Variants in SETD2 observed in about 807,000 individuals in gnomAD.
SETD2 encodes histone-lysine N-methyltransferase SETD2.
In SETD2, 31 loss-of-function variants were observed where a neutral mutation model predicts 242.1. That is an observed-to-expected ratio of 0.13 (90% CI 0.10 to 0.17). The LOEUF is 0.17. Among genes scored for constraint, SETD2 ranks in the 10% least tolerant of loss-of-function variants. SETD2 has a pLI of 1.00. For missense variants in SETD2, 2,481 were observed against 3,046.3 expected (o/e 0.81, Z 4.37); for synonymous variants, 1,006 against 1,066.5 (o/e 0.94, Z 1.11).
At chr3:47,022,991 A>G (rs1311773871) in intron 18 of SETD2, among the ~76,000 whole-genome samples, 1 of 152,230 alleles carries the variant, frequency 6.6e-6, no homozygotes, top group Non-Finnish European at 1.5e-5. Flanking sequence ...ACTATGTCAC[A>G]AAGCCCATGT....
chr3:47,138,309 G>A (rs574048210), intron 1 of SETD2: 18 of 297,406 alleles, frequency 6.1e-5, no homozygotes, highest in African/African-American at 2.0e-4. Flanking sequence ...TCACTCTGTC[G>A]CCCAGGCTGG....
intron 13 of SETD2, among the ~76,000 whole-genome samples, chr3:47,066,279 C>T (rs1408983317): frequency 2.0e-5 from 3 of 152,140 alleles, no homozygotes; most frequent in Non-Finnish European, 2.9e-5. Context: ...GGAATTTCGA[C>T]GCACAGGGTA....
At chr3:47,154,534 C>A (rs1430424798) in intron 1 of SETD2, among the ~76,000 whole-genome samples, 1 of 151,338 alleles carries the variant, frequency 6.6e-6, no homozygotes, top group African/African-American at 2.4e-5. Context: ...AAATAAAAAC[C>A]AAAAAAAGGA....
rs1384724360 is a variant in SETD2, at chr3:47,123,724, T to C, written c.912A>G (p.Lys304=). The change falls in exon 3 of 21, where the codon AAA becomes AAG. Residue 304 remains lysine, a synonymous_variant. Transcript: ENST00000409792. ...DSSKISLSCK[K]TGSKKKSSQS... is the part of the protein sequence containing the mutation. ...GTGAGGATTTCTTCTTAGAACCTGT[T>C]TTTTTACAGCTCAGACTAATCTTAG... 4.5e-6 allele frequency: 7 copies of C among 1,551,352 alleles called. No homozygotes were observed. The highest frequency in any genetic ancestry group is 6.1e-6 in the Non-Finnish European group (7 of 1,146,854).
intron 5 of SETD2, among the ~76,000 whole-genome samples, chr3:47,108,829 C>T (rs915363029): frequency 2.0e-5 from 3 of 152,172 alleles, no homozygotes; most frequent in African/African-American, 4.8e-5. Context: ...AAAAGTCTAT[C>T]ATGCAGTCCT....
intron 1 of SETD2, among the ~76,000 whole-genome samples, chr3:47,130,352 A>G (rs998872803): frequency 2.0e-5 from 3 of 152,292 alleles, no homozygotes; most frequent in East Asian, 3.9e-4. Context: ...AAGGGTCAAT[A>G]AGGTGGAAGA....
At chr3:47,035,713 A>C (rs1447137120) in intron 18 of SETD2, among the ~76,000 whole-genome samples, 2 of 152,198 alleles carry the variant, frequency 1.3e-5, no homozygotes. Flanking sequence ...GGCCTCCAAC[A>C]TGCTTTATAA....
chr3:47,088,680 T>C (rs963134992), intron 9 of SETD2, among the ~76,000 whole-genome samples: 1 of 152,196 alleles, frequency 6.6e-6, no homozygotes, highest in Non-Finnish European at 1.5e-5. Context: ...TTCAAACTTA[T>C]ATAATTTATA....
At chr3:47,150,432 G>A (rs916139556) in intron 1 of SETD2, among the ~76,000 whole-genome samples, 2 of 152,068 alleles carry the variant, frequency 1.3e-5, no homozygotes, top group Admixed American at 1.3e-4. Flanking sequence ...AGAGATAAAT[G>A]AGATTACTGA....
At chr3:47,030,232 T>C (rs2038702534) in intron 18 of SETD2, among the ~76,000 whole-genome samples, 1 of 151,694 alleles carries the variant, frequency 6.6e-6, no homozygotes, top group Non-Finnish European at 1.5e-5. Context: ...AAAAAAGAAA[T>C]TAAAACTATT....
intron 1 of SETD2, among the ~76,000 whole-genome samples, chr3:47,154,284 C>T (rs748186656): frequency 2.0e-5 from 3 of 152,040 alleles, no homozygotes; most frequent in Non-Finnish European, 4.4e-5. Context: ...TGGTGCGCGC[C>T]TGTAGTCCCA....
At chr3:47,096,824 C>T (rs1158961227) in intron 9 of SETD2, among the ~76,000 whole-genome samples, 1 of 152,070 alleles carries the variant, frequency 6.6e-6, no homozygotes, top group African/African-American at 2.4e-5. Context: ...AGCTAAAGAA[C>T]ACATGACATT....
chr3:47,039,607 T>C (rs2039180639), intron 17 of SETD2, among the ~76,000 whole-genome samples: 1 of 150,570 alleles, frequency 6.6e-6, no homozygotes, highest in Non-Finnish European at 1.5e-5. Context: ...GGCTCACACC[T>C]GTAATCCCAG....
chr3:47,116,562 C>A (rs1248031523), intron 4 of SETD2, 61 bp downstream of exon 4: 1 of 1,508,458 alleles, frequency 6.6e-7, no homozygotes, highest in Non-Finnish European at 9.0e-7. Flanking sequence ...ATTGATAATT[C>A]AATATTTAGA....
rs1168843901 is a variant in SETD2 at position 47,120,520 on chromosome 3, T to G, written c.4116A>C (p.Ile1372=). 5.6e-6 allele frequency: 9 copies of G among 1,613,922 alleles called. No individual in the cohort carries two copies. In the East Asian group the frequency reaches 2.0e-4, roughly 36 times the overall value. ...KDKGSVQAPE[I]SSNSIKDTLA... is the part of the protein sequence containing the mutation. ...AAGTGTCCTTAATGGAATTGCTGCTTATTTCAGGTGCTTGCACTGACCCCT... is the reference window on the plus strand; with the variant it reads ...AAGTGTCCTTAATGGAATTGCTGCTGATTTCAGGTGCTTGCACTGACCCCT... Residue 1372 remains isoleucine (I), a synonymous_variant, in exon 3 of 21, where the codon ATA becomes ATC. Coordinates refer to ENST00000409792, the MANE Select transcript of SETD2 (RefSeq NM_014159.7).
intron 9 of SETD2, among the ~76,000 whole-genome samples, chr3:47,092,248 A>T (rs180783122): frequency 4.1e-4 from 63 of 152,282 alleles, no homozygotes; most frequent in Admixed American, 3.7e-3. Flanking sequence ...TCCAGTGGTG[A>T]TAATACAGCT....
chr3:47,145,480 G>A (rs1255234292), intron 1 of SETD2: 6 of 426,934 alleles, frequency 1.4e-5, no homozygotes, highest in Non-Finnish European at 2.9e-5. Context: ...CTGCAGCCTT[G>A]AACTCCTGGA....
rs2107720180 is a variant in SETD2 at position 47,114,013 on chromosome 3, A to G, written c.4587-9T>C. 1 of 1,593,826 alleles carries G rather than the reference A, an allele frequency of 6.3e-7. No homozygotes were observed. Among genetic ancestry groups the G allele is most frequent in the Non-Finnish European group, 8.5e-7 (1 of 1,174,742 alleles). On this transcript the variant is annotated splice_polypyrimidine_tract_variant and intron_variant, in intron 4 of 20. Coordinates refer to ENST00000409792, the MANE Select transcript of SETD2 (RefSeq NM_014159.7). ...TTGGACACCGAGAAGAACTGAAATG[A>G]GAAAAGGAGGAAATTTAATTCTTTA...
rs1261582187 is a variant in SETD2 at position 47,164,037 on chromosome 3, GCGGCGGC to G, written c.-120_-114del. 1 of 1,225,658 alleles carries G rather than the reference GCGGCGGC, an allele frequency of 8.2e-7. No homozygotes were observed. The highest frequency in any genetic ancestry group is 1.6e-5 in the African/African-American group (1 of 63,064). 75.9% of individuals were successfully genotyped at this position (1,225,658 alleles called of 1,614,324 possible). ...CGCGGCGGCGGCGGCGGCGGCGGCG[GCGGCGGC>G]AGGGGCGGCCCGCGTCGCTACCTCG... On this transcript the variant is annotated 5_prime_UTR_variant, in exon 1 of 21. Transcript: ENST00000409792. The surrounding 1 kb of genome is among the most constrained non-coding windows in gnomAD (Gnocchi z 5.4).
Sources: gnomAD v4.1 joint callset for allele counts (sites outside exome capture counted in the v4.1 genomes callset) on GRCh38, gnomAD v4.1.1 for gene constraint, Gnocchi (gnomAD v3.1) non-coding constraint, MANE v1.5 for transcripts, NCBI Gene and HGNC (gene_info 2026-07-23, HGNC 2026-07-21) for gene names.